Variants in DLC1 observed in about 807,000 individuals in gnomAD.
DLC1 encodes rho GTPase-activating protein 7.
Under a neutral mutation model 140.3 loss-of-function variants are expected in DLC1, and 54 were observed. The observed-to-expected ratio is 0.38, with a 90% CI of 0.31 to 0.48. DLC1 has a LOEUF of 0.48. DLC1 is among the 20% of genes least tolerant of loss of function. DLC1 has a pLI of 0.96. For synonymous variants in DLC1, 986 were observed against 728.1 expected (o/e 1.35, Z -5.70); for missense variants, 2,536 against 1,907.0 (o/e 1.33, Z -6.14).
chr8:13,198,303 TCA>T (rs1461156136), intron 5 of DLC1, among the ~76,000 whole-genome samples: 8 of 152,166 alleles, frequency 5.3e-5, no homozygotes, highest in Admixed American at 3.9e-4. Flanking sequence ...ATTCTCAGTT[TCA>T]TAGTTCTTCC....
chr8:13,528,406 G>A (rs549318147), intron 1 of DLC1, among the ~76,000 whole-genome samples: 1 of 152,110 alleles, frequency 6.6e-6, no homozygotes, highest in Admixed American at 6.6e-5. Context: ...AGAAAAATAT[G>A]TTGGGCAGCA....
chr8:13,091,995 C>T (rs533094332), intron 13 of DLC1, among the ~76,000 whole-genome samples: 1 of 152,294 alleles, frequency 6.6e-6, no homozygotes, highest in East Asian at 1.9e-4. Context: ...GCCTGTAATC[C>T]CAGCACTTTG....
chr8:13,537,545 A>G (rs1404473555), intron 1 of DLC1, among the ~76,000 whole-genome samples: 2 of 152,098 alleles, frequency 1.3e-5, no homozygotes, highest in African/African-American at 4.8e-5. Context: ...CGAGACAGAC[A>G]CAGTTAGGTA....
At chr8:13,190,763 A>G (rs556286164) in intron 5 of DLC1, among the ~76,000 whole-genome samples, 17 of 152,176 alleles carry the variant, frequency 1.1e-4, no homozygotes, top group African/African-American at 3.4e-4. Context: ...GGTGAGTGGA[A>G]GGGTGGCACA....
At chr8:13,190,348 G>T (rs577623023) in intron 5 of DLC1, among the ~76,000 whole-genome samples, 1 of 152,090 alleles carries the variant, frequency 6.6e-6, no homozygotes, top group African/African-American at 2.4e-5. Flanking sequence ...GCCAGGGATT[G>T]TGGTCCCTGT....
intron 2 of DLC1, among the ~76,000 whole-genome samples, chr8:13,461,994 C>G (rs1563368077): frequency 6.6e-6 from 1 of 152,046 alleles, no homozygotes; most frequent in African/African-American, 2.4e-5. Context: ...GAGAGAAAGC[C>G]CCGTTTTACG....
chr8:13,112,786 A>T (rs969962799), intron 6 of DLC1, among the ~76,000 whole-genome samples: 21 of 152,164 alleles, frequency 1.4e-4, no homozygotes, highest in African/African-American at 5.1e-4. Flanking sequence ...GCCTCAAGTC[A>T]TCCTCCCACC....
In DLC1 at chr8:13,499,924, G is replaced by C. The variant is rs1330301693; in HGVS notation, c.148C>G (p.Leu50Val). The change falls in exon 2 of 18, where the codon CTA (leucine) becomes GTA (valine). Residue 50 changes from leucine to valine, a missense_variant. Physicochemically the swap from Leu to Val is conservative, Grantham distance 32 (BLOSUM62 1). Coordinates refer to ENST00000276297, the MANE Select transcript of DLC1 (RefSeq NM_182643.3). ...CACTTCTCTTTGCGGTCCACATTTAGAGTTGCATCTTTTTCCATACTTGCC... is the reference window on the plus strand; with the variant it reads ...CACTTCTCTTTGCGGTCCACATTTACAGTTGCATCTTTTTCCATACTTGCC... Reference protein sequence around the residue: ...LQASMEKDATLNVDRKEKCVS... With the variant: ...LQASMEKDATVNVDRKEKCVS... 3.1e-6 allele frequency: 5 copies of C among 1,613,930 alleles called. No homozygotes were observed. Among genetic ancestry groups the C allele is most frequent in the Non-Finnish European group, 4.2e-6 (5 of 1,180,010 alleles).
chr8:13,148,557 G>C (rs1823592635), intron 5 of DLC1, among the ~76,000 whole-genome samples: 1 of 152,134 alleles, frequency 6.6e-6, no homozygotes, highest in Admixed American at 6.5e-5. Flanking sequence ...AGGAGAAGCT[G>C]ACCAACTAAA....
Position 13,539,920 on chromosome 8 carries a change from A to G in DLC1, c.-125-39724T>C, listed in dbSNP as rs145629449. On this transcript the variant is annotated intron_variant, in intron 1 of 1. Coordinates refer to the DLC1 transcript ENST00000631382. ...TACTTTTCTTGAGCAATTCTAGAATAAGCTACAAAACCTTTTCAATGCAGC... is the reference window on the plus strand; with the variant it reads ...TACTTTTCTTGAGCAATTCTAGAATGAGCTACAAAACCTTTTCAATGCAGC... Among the ~76,000 whole-genome samples the G allele has an allele frequency of 9.8e-3, 1,497 of 152,290 alleles. 29 individuals carry two copies. Among genetic ancestry groups the G allele is most frequent in the African/African-American group, 0.034 (1,417 of 41,554 alleles).
intron 5 of DLC1, among the ~76,000 whole-genome samples, chr8:13,296,601 T>G (rs188028526): frequency 4.9e-4 from 74 of 152,320 alleles, no homozygotes; most frequent in Non-Finnish European, 8.8e-4. Context: ...AATGTCTGTA[T>G]GAGTTGTTTC....
chr8:13,574,068 G>A (rs1585290635), intron 1 of DLC1, among the ~76,000 whole-genome samples: 2 of 152,210 alleles, frequency 1.3e-5, no homozygotes, highest in South Asian at 2.1e-4. Context: ...ACCAAAAGAA[G>A]AAAATAATCT....
chr8:13,091,710 T>G (rs1179429909), intron 13 of DLC1, among the ~76,000 whole-genome samples: 1 of 152,092 alleles, frequency 6.6e-6, no homozygotes, highest in Non-Finnish European at 1.5e-5. Context: ...GGGCAGCTTG[T>G]AGGGGCTGTG....
chr8:13,479,885 A>AGAAGAAGAAGAAGAAGAAG (rs1395152895), intron 2 of DLC1, among the ~76,000 whole-genome samples: 1 of 114,232 alleles, frequency 8.8e-6, no homozygotes, highest in Non-Finnish European at 2.0e-5. Flanking sequence ...GAAAGAAAGA[A>AGAAGAAGAAGAAGAAGAAG]AGAAAAAGAA....
At chr8:13,365,966 G>C (rs749603322) in intron 4 of DLC1, among the ~76,000 whole-genome samples, 4 of 152,194 alleles carry the variant, frequency 2.6e-5, no homozygotes, top group Non-Finnish European at 5.9e-5. Flanking sequence ...AGGGGAAAAT[G>C]TACCAGCCAG....
chr8:13,278,996 A>T (rs1831270557), intron 5 of DLC1, among the ~76,000 whole-genome samples: 1 of 152,234 alleles, frequency 6.6e-6, no homozygotes, highest in African/African-American at 2.4e-5. Context: ...TCAAAAACTC[A>T]TTAGCTTCCT....
At chr8:13,505,103 A>G (rs1356918136) in intron 1 of DLC1, among the ~76,000 whole-genome samples, 2 of 152,354 alleles carry the variant, frequency 1.3e-5, no homozygotes, top group Middle Eastern at 3.4e-3. Flanking sequence ...TCAATTATCA[A>G]CCACAGGAAA....
In DLC1 at chr8:13,115,659, T is replaced by TAGAAC; in HGVS notation, c.1349-7_1349-3dup. ...CACAAGCTTCCTTGGCTTCAATTTCTAGAACAGAACAGAAGAAAGACAAAA... is the reference window on the plus strand; with the variant it reads ...CACAAGCTTCCTTGGCTTCAATTTCTAGAACAGAACAGAACAGAAGAAAGACAAAA... On this transcript the variant is annotated splice_region_variant and splice_polypyrimidine_tract_variant and intron_variant, in intron 5 of 17. Transcript: ENST00000276297. The TAGAAC allele has an allele frequency of 1.2e-6, 2 of 1,614,052 alleles. No homozygotes were observed. Among genetic ancestry groups the TAGAAC allele is most frequent in the Non-Finnish European group, 1.7e-6 (2 of 1,179,992 alleles).
chr8:13,237,246 C>T (rs1829326869), intron 5 of DLC1, among the ~76,000 whole-genome samples: 1 of 145,386 alleles, frequency 6.9e-6, no homozygotes, highest in African/African-American at 2.5e-5. Context: ...TATATACACA[C>T]ACACACACAT....
Sources: gnomAD v4.1 joint callset for allele counts (sites outside exome capture counted in the v4.1 genomes callset) on GRCh38, gnomAD v4.1.1 for gene constraint, MANE v1.5 for transcripts, NCBI Gene and HGNC (gene_info 2026-07-23, HGNC 2026-07-21) for gene names.